C3orf62: variants seen among roughly 807,000 people sequenced by gnomAD.
C3orf62 encodes the protein chromosome 3 open reading frame 62.
A neutral mutation model predicts 21.7 loss-of-function variants in C3orf62; 16 were observed. The observed-to-expected ratio is 0.74, with a 90% confidence interval of 0.50 to 1.12. The LOEUF is 1.12. Among genes scored for constraint, C3orf62 ranks in the 50% most tolerant of loss-of-function variants. C3orf62 has a pLI of 0.00. For missense variants in C3orf62, 310 were observed against 318.8 expected, an observed-to-expected ratio of 0.97 and a Z score of 0.21; for synonymous variants, 114 against 117.0, an observed-to-expected ratio of 0.97 and a Z score of 0.17.
intron 2 of C3orf62, among the ~76,000 whole-genome samples, chr3:49,271,747 A>G (rs1464169597): frequency 1.3e-5 from 2 of 150,402 alleles, no homozygotes; most frequent in Non-Finnish European, 3.0e-5. Flanking sequence ...ACACAATGTG[A>G]AAAAAAAACA....
rs568755661 is a variant in C3orf62 at position 49,276,410 on chromosome 3, A to G, written c.446+17T>C. 7.5e-6 allele frequency: 12 copies of G among 1,599,106 alleles called. No homozygotes were observed. The highest frequency in any genetic ancestry group is 1.0e-5 in the Non-Finnish European group (12 of 1,171,028). ...TCCCCTTAATTGTAGCTGTTAAACC[A>G]TCAAAATTAGAATCACCTTAAATTT... On this transcript the variant is annotated intron_variant, in intron 1 of 2. Coordinates refer to ENST00000343010, the MANE Select transcript of C3orf62 (RefSeq NM_198562.3).
chr3:49,276,956 C>T lies in C3orf62; in HGVS notation c.-84G>A. ...TGGCCACGATTTCCTGGAGCTTGGCCCTGGCTATAGCAGGACCCACAACCC... is the reference window on the plus strand; with the variant it reads ...TGGCCACGATTTCCTGGAGCTTGGCTCTGGCTATAGCAGGACCCACAACCC... On this transcript the variant is annotated 5_prime_UTR_variant, in exon 1 of 3. Transcript: ENST00000343010. 1 of 1,530,298 alleles carries T rather than the reference C, an allele frequency of 6.5e-7. No individual in the cohort carries two copies. Among genetic ancestry groups the T allele is most frequent in the Non-Finnish European group, 8.8e-7 (1 of 1,141,742 alleles). The allele number at this position is 1,530,298 out of a possible 1,614,324, so 94.8% of individuals were successfully genotyped here. A position where few individuals can be genotyped will look rare whatever the true frequency, so the allele number is the denominator to read the frequency against.
intron 1 of C3orf62, 112 bp from the exon 2 acceptor site, chr3:49,274,252 G>A: frequency 1.3e-6 from 1 of 757,658 alleles, no homozygotes; most frequent in Admixed American, 2.3e-5. Flanking sequence ...ACTTACTGGT[G>A]ACCTTGTCAT....
At chr3:49,271,801 A>G (rs1022450839) in intron 2 of C3orf62, among the ~76,000 whole-genome samples, 2 of 151,434 alleles carry the variant, frequency 1.3e-5, no homozygotes, top group Non-Finnish European at 2.9e-5. Flanking sequence ...CCCAGCCAGG[A>G]GCGGTGGTGT....
At chr3:49,273,604 A>G (rs1298914991) in intron 2 of C3orf62, among the ~76,000 whole-genome samples, 1 of 152,072 alleles carries the variant, frequency 6.6e-6, no homozygotes, top group African/African-American at 2.4e-5. Flanking sequence ...TAATTAAAAA[A>G]AATTTTAAGA....
intron 2 of C3orf62, among the ~76,000 whole-genome samples, chr3:49,273,378 C>G (rs1004954393): frequency 1.3e-5 from 2 of 152,070 alleles, no homozygotes; most frequent in African/African-American, 4.8e-5. Context: ...GAACTGTGAT[C>G]GTGCCACTGC....
In C3orf62 at chr3:49,275,523, T is replaced by TTTTG. The variant is rs2046948467; in HGVS notation, c.446+903_446+904insCAAA. Among the ~76,000 whole-genome samples the TTTTG allele has an allele frequency of 3.6e-5, 3 of 84,502 alleles. No homozygotes were observed. The East Asian group carries it at 9.7e-4, about 27-fold the overall frequency. The allele number at this position is 84,502 out of a possible 152,430, so 55.4% of individuals were successfully genotyped here. On this transcript the variant is annotated intron_variant, in intron 1 of 2. Coordinates refer to ENST00000343010, the MANE Select transcript of C3orf62 (RefSeq NM_198562.3). ...CCAAGATGGCAGAACTTTGAAGTTTTTTTTTTTTTTTTTTTTTTTTTTTTT... is the reference window on the plus strand; with the variant it reads ...CCAAGATGGCAGAACTTTGAAGTTTTTTTGTTTTTTTTTTTTTTTTTTTTTTTTT...
At chr3:49,271,761 A>G (rs745319974) in intron 2 of C3orf62, among the ~76,000 whole-genome samples, 1 of 151,960 alleles carries the variant, frequency 6.6e-6, no homozygotes, top group Non-Finnish European at 1.5e-5. Flanking sequence ...AAAAACAAGG[A>G]AACAAGGTCT....
At chr3:49,274,345 C>G (rs2046935007) in intron 1 of C3orf62, 2 of 542,832 alleles carry the variant, frequency 3.7e-6, no homozygotes, top group East Asian at 6.5e-5. Context: ...GACTCACGAG[C>G]ATCGCAGACT....
Position 49,269,299 on chromosome 3 carries a change from A to G in C3orf62, c.*1881T>C, listed in dbSNP as rs2046899686. The G allele has an allele frequency of 6.6e-6, 1 of 152,150 alleles. No individual in the cohort carries two copies. Among genetic ancestry groups the G allele is most frequent in the South Asian group, 2.1e-4 (1 of 4,824 alleles). The allele number at this position is 152,150 out of a possible 1,614,324, so 9.4% of individuals were successfully genotyped here. On this transcript the variant is annotated 3_prime_UTR_variant, in exon 3 of 3. Transcript: ENST00000343010. ...TCCCTTTCCCTACTTTAGTCGTGGG[A>G]AGTATCATTAAGTCTAGTTCACCTT...
chr3:49,274,249 G>A, intron 1 of C3orf62, 109 bp from the exon 2 acceptor site: 1 of 774,508 alleles, frequency 1.3e-6, no homozygotes, highest in Non-Finnish European at 2.2e-6. Flanking sequence ...AAAACTTACT[G>A]GTGACCTTGT....
At chr3:49,274,858 C>T (rs1466081041) in intron 1 of C3orf62, among the ~76,000 whole-genome samples, 1 of 151,436 alleles carries the variant, frequency 6.6e-6, no homozygotes, top group South Asian at 2.1e-4. Flanking sequence ...TTGCTCTTGT[C>T]GCCCAGGCTG....
In C3orf62 at chr3:49,277,147, C is replaced by A. The variant is rs371470495; in HGVS notation, c.-275G>T. ...CCAGGCCGCTGGCCCTACCGGCACC[C>A]CCCCTTTGGCGAGTCGGCAGCCACG... is the stretch of plus-strand genomic sequence containing the variant. On this transcript the variant is annotated 5_prime_UTR_variant, in exon 1 of 3. Coordinates refer to ENST00000343010, the MANE Select transcript of C3orf62 (RefSeq NM_198562.3). 2.0e-4 allele frequency: 292 copies of A among 1,440,414 alleles called. 2 individuals are homozygous for A. The East Asian group carries it at 4.0e-3, about 20-fold the overall frequency. The allele number at this position is 1,440,414 out of a possible 1,614,324, so 89.2% of individuals were successfully genotyped here.
At position 49,277,114 on chromosome 3, in the gene C3orf62, C is replaced by T. The variant is rs2046970538; in HGVS notation, c.-242G>A. ...GCCCCGCCGCTGCCTCCCGCCCCACCGCGGCTCCCAGGCCGCTGGCCCTAC... is the reference window on the plus strand; with the variant it reads ...GCCCCGCCGCTGCCTCCCGCCCCACTGCGGCTCCCAGGCCGCTGGCCCTAC... On this transcript the variant is annotated 5_prime_UTR_variant, in exon 1 of 3. Transcript: ENST00000343010. The T allele has an allele frequency of 1.3e-5, 19 of 1,476,440 alleles. No individual in the cohort carries two copies. The highest frequency in any genetic ancestry group is 3.6e-5 in the South Asian group (3 of 82,416). The allele number at this position is 1,476,440 out of a possible 1,614,324, so 91.5% of individuals were successfully genotyped here.
chr3:49,276,320 G>C, intron 1 of C3orf62, 107 bp downstream of exon 1: 1 of 1,061,630 alleles, frequency 9.4e-7, no homozygotes, highest in Non-Finnish European at 1.4e-6. Flanking sequence ...GAGCTGCCAA[G>C]AGGAGGCAAG....
intron 1 of C3orf62, among the ~76,000 whole-genome samples, chr3:49,275,524 T>TTG (rs1559460056): frequency 1.2e-5 from 1 of 86,524 alleles, no homozygotes; most frequent in East Asian, 3.1e-4. Flanking sequence ...TTGAAGTTTT[T>TTG]TTTTTTTTTT....
At chr3:49,273,986 A>C in intron 2 of C3orf62, 63 bp downstream of exon 2, 1 of 1,168,012 alleles carries the variant, frequency 8.6e-7, no homozygotes, top group South Asian at 1.2e-5. Context: ...ATATTTGCTG[A>C]CTCAGACCCA....
Position 49,276,645 on chromosome 3 carries a change from A to T in C3orf62, c.228T>A (p.Ala76=). The T allele has an allele frequency of 6.2e-7, 1 of 1,614,232 alleles. No individual in the cohort carries two copies. Among genetic ancestry groups the T allele is most frequent in the African/African-American group, 1.3e-5 (1 of 75,052 alleles). The part of the protein sequence containing the change: ...RRHPLAACSS[A]APFAAVPCAP... ...CACATGGGACAGCAGCAAAAGGAGC[A>T]GCAGAAGAGCAGGCTGCCAGAGGAT... The change falls in exon 1 of 3, where the codon GCT becomes GCA. Residue 76 remains alanine, a synonymous_variant. Coordinates refer to ENST00000343010, the MANE Select transcript of C3orf62 (RefSeq NM_198562.3).
chr3:49,273,993 C>T (rs2046932396), intron 2 of C3orf62, 56 bp downstream of exon 2: 1 of 1,247,866 alleles, frequency 8.0e-7, no homozygotes, highest in Middle Eastern at 1.9e-4. Context: ...CTGACTCAGA[C>T]CCATGTGAAG....
Sources: allele counts gnomAD v4.1 joint callset (sites outside exome capture counted in the v4.1 genomes callset), GRCh38; gene constraint gnomAD v4.1.1; transcripts MANE v1.5; gene names NCBI Gene and HGNC (gene_info 2026-07-23, HGNC 2026-07-21).